PIK3CB: variants seen among roughly 807,000 people sequenced by gnomAD.
The protein encoded by PIK3CB is phosphatidylinositol 4,5-bisphosphate 3-kinase catalytic subunit beta isoform.
In PIK3CB, 39 loss-of-function variants were observed where a neutral mutation model predicts 136.8. That is an observed-to-expected ratio of 0.29 (90% confidence interval 0.22 to 0.37). The LOEUF (loss-of-function observed/expected upper bound fraction) is 0.37. PIK3CB is among the 10% of genes least tolerant of loss of function. The pLI, the probability that PIK3CB is intolerant of heterozygous loss-of-function variation, is 1.00. For synonymous variants in PIK3CB, 428 were observed against 436.6 expected (o/e 0.98, Z 0.25); for missense variants, 868 against 1,275.4 (o/e 0.68, Z 4.87).
chr3:138,695,819 T>A (rs904790901), intron 13 of PIK3CB, among the ~76,000 whole-genome samples: 1 of 152,002 alleles, frequency 6.6e-6, no homozygotes, highest in Non-Finnish European at 1.5e-5. Context: ...CAATCTTGGC[T>A]CACTACAACC....
At chr3:138,826,119 T>G in intron 1 of PIK3CB, 2 of 1,032,486 alleles carry the variant, frequency 1.9e-6, no homozygotes, top group Non-Finnish European at 2.9e-6. Context: ...TGGCCCTAAA[T>G]TCTTGAAGTC....
In PIK3CB at chr3:138,790,261, A is replaced by T. The variant is rs1353742210; in HGVS notation, c.-17+6202T>A. Among the ~76,000 whole-genome samples the T allele has an allele frequency of 3.3e-5, 5 of 152,034 alleles. No individual in the cohort carries two copies. In the East Asian group the frequency reaches 9.7e-4, roughly 29 times the overall value. On this transcript the variant is annotated intron_variant, in intron 2 of 23. Coordinates refer to ENST00000674063, the MANE Select transcript of PIK3CB (RefSeq NM_006219.3). ...GATGATGAAAAAGTTCTGGAGATGG[A>T]CAGTGATGATGTACTTTTGTGAATG...
intron 2 of PIK3CB, among the ~76,000 whole-genome samples, chr3:138,768,883 A>G (rs1197394251): frequency 3.3e-5 from 5 of 152,238 alleles, no homozygotes; most frequent in Non-Finnish European, 5.9e-5. Context: ...CAGTGGGAGC[A>G]GGCATTTCCG....
At chr3:138,661,641 A>C (rs2043297524) in intron 21 of PIK3CB, among the ~76,000 whole-genome samples, 1 of 152,254 alleles carries the variant, frequency 6.6e-6, no homozygotes, top group Non-Finnish European at 1.5e-5. Context: ...TATGGACACG[A>C]GATTCCTCAA....
At chr3:138,752,058 AG>A (rs2045482972) in intron 4 of PIK3CB, among the ~76,000 whole-genome samples, 1 of 151,990 alleles carries the variant, frequency 6.6e-6, no homozygotes, top group Admixed American at 6.6e-5. Flanking sequence ...AGGAGAAATA[AG>A]GGAGTTTACA....
At chr3:138,810,536 A>G (rs1453369411) in intron 1 of PIK3CB, among the ~76,000 whole-genome samples, 1 of 144,618 alleles carries the variant, frequency 6.9e-6, no homozygotes, top group African/African-American at 2.5e-5. Context: ...TCTAATCATT[A>G]AAAAAAAAAA....
chr3:138,726,424 T>C (rs2108618976), intron 8 of PIK3CB, among the ~76,000 whole-genome samples: 1 of 152,278 alleles, frequency 6.6e-6, no homozygotes, highest in Non-Finnish European at 1.5e-5. Context: ...TCCATTCTCT[T>C]GTATCTACAA....
chr3:138,728,571 A>T (rs2044894072), intron 8 of PIK3CB, among the ~76,000 whole-genome samples: 1 of 151,920 alleles, frequency 6.6e-6, no homozygotes, highest in Admixed American at 6.6e-5. Flanking sequence ...AGGTCAGGAG[A>T]TCGAGACCAT....
rs73864492 is a variant in PIK3CB at position 138,732,433 on chromosome 3, T to C, written c.1050+928A>G. On this transcript the variant is annotated intron_variant, in intron 8 of 23. Transcript: ENST00000674063. Reference sequence around the variant, plus strand: ...ACAAAAGCAAGACATTGGTAATTTTTGGCAAGGGGCTCCTGAATATATCTT... The same window carrying C: ...ACAAAAGCAAGACATTGGTAATTTTCGGCAAGGGGCTCCTGAATATATCTT... Among the ~76,000 whole-genome samples, 602 of 152,284 alleles carry C rather than the reference T, an allele frequency of 4.0e-3. 2 individuals are homozygous for C. The highest frequency in any genetic ancestry group is 0.013 in the African/African-American group (547 of 41,532).
chr3:138,659,512 A>G (rs2595928), intron 21 of PIK3CB, among the ~76,000 whole-genome samples: 89,973 of 150,994 alleles, frequency 0.6, 27,643 homozygotes, highest in East Asian at 0.99. Context: ...GCAAGTCTCC[A>G]TCTCAGAAAA....
intron 10 of PIK3CB, among the ~76,000 whole-genome samples, chr3:138,711,348 G>A (rs1442983098): frequency 1.3e-5 from 2 of 151,962 alleles, no homozygotes; most frequent in Non-Finnish European, 2.9e-5. Context: ...GGATGGCCGA[G>A]GTGGGCGGAT....
intron 1 of PIK3CB, among the ~76,000 whole-genome samples, chr3:138,797,578 A>C (rs541740379): frequency 6.6e-6 from 1 of 152,320 alleles, no homozygotes; most frequent in South Asian, 2.1e-4. Context: ...TTATAAAACA[A>C]ATTTCAGAAC....
At chr3:138,779,476 T>C (rs370615015) in intron 2 of PIK3CB, among the ~76,000 whole-genome samples, 40 of 145,744 alleles carry the variant, frequency 2.7e-4, no homozygotes, top group African/African-American at 9.6e-4. Flanking sequence ...CTGCAACATC[T>C]ACCTCCTGGG....
At chr3:138,674,370 C>T (rs925290694) in intron 19 of PIK3CB, among the ~76,000 whole-genome samples, 1 of 152,018 alleles carries the variant, frequency 6.6e-6, no homozygotes, top group African/African-American at 2.4e-5. Context: ...CCTCAGCAGA[C>T]TGGAAGAGGG....
At chr3:138,673,607 A>T (rs191732813) in intron 19 of PIK3CB, among the ~76,000 whole-genome samples, 351 of 152,348 alleles carry the variant, frequency 2.3e-3, no homozygotes, top group African/African-American at 8.1e-3. Flanking sequence ...ACTGACAAAA[A>T]TTGTTGAAAT....
At chr3:138,688,043 A>G (rs1254643150) in intron 16 of PIK3CB, among the ~76,000 whole-genome samples, 1 of 152,238 alleles carries the variant, frequency 6.6e-6, no homozygotes, top group Non-Finnish European at 1.5e-5. Flanking sequence ...TATTATTACA[A>G]TCATTAATGG....
chr3:138,796,503 G>T lies in PIK3CB; in HGVS notation c.-57C>A, dbSNP rs774628845. 2.0e-5 allele frequency: 3 copies of T among 151,008 alleles called. No individual in the cohort carries two copies. Among genetic ancestry groups the T allele is most frequent in the African/African-American group, 4.9e-5 (2 of 40,994 alleles). 9.4% of individuals were successfully genotyped at this position (151,008 alleles called of 1,614,324 possible). ...CCCATTTCAGTCTTTTAGGAAAACA[G>T]ATGGCATTACTTATTTTTTAAAAGT... On this transcript the variant is annotated 5_prime_UTR_variant, in exon 2 of 24. The change creates a new upstream start codon in the 5' untranslated region. Transcript: ENST00000674063.
intron 1 of PIK3CB, among the ~76,000 whole-genome samples, chr3:138,801,861 CAAAAAAA>C (rs35232938): frequency 7.0e-5 from 4 of 57,388 alleles, no homozygotes; most frequent in African/African-American, 1.6e-4. Context: ...GACTCCATCT[CAAAAAAA>C]AAAAAAAAAA....
intron 1 of PIK3CB, among the ~76,000 whole-genome samples, chr3:138,804,399 A>G (rs541515997): frequency 1.3e-5 from 2 of 152,256 alleles, no homozygotes; most frequent in South Asian, 2.1e-4. Flanking sequence ...CTGTAGTCCC[A>G]GCAACTCAGG....
Sources: allele counts gnomAD v4.1 joint callset (sites outside exome capture counted in the v4.1 genomes callset), GRCh38; gene constraint gnomAD v4.1.1; transcripts MANE v1.5; gene names NCBI Gene and HGNC (gene_info 2026-07-23, HGNC 2026-07-21).